FOXC2: variants seen among roughly 807,000 people sequenced by gnomAD.
The protein encoded by FOXC2 is forkhead box protein C2.
In FOXC2, 7 loss-of-function variants were observed where a neutral mutation model predicts 7.2. The observed-to-expected ratio is 0.97, with a 90% CI of 0.55 to 1.81. FOXC2 has a LOEUF of 1.81. Ranked by LOEUF, FOXC2 falls within the 40% of genes most tolerant of loss-of-function variation. The pLI, the probability that FOXC2 is intolerant of heterozygous loss-of-function variation, is 0.00. For missense variants in FOXC2, 846 were observed against 741.2 expected, an observed-to-expected ratio of 1.14 and a Z score of -1.64; for synonymous variants, 436 against 350.4, an observed-to-expected ratio of 1.24 and a Z score of -2.73.
rs1428482010 is a variant in FOXC2 at position 86,568,024 on chromosome 16, C to T, written c.689C>T (p.Thr230Met). The T allele has an allele frequency of 1.4e-6, 2 of 1,478,738 alleles. No individual in the cohort carries two copies. Among genetic ancestry groups the T allele is most frequent in the Non-Finnish European group, 1.8e-6 (2 of 1,126,958 alleles). The allele number at this position is 1,478,738 out of a possible 1,614,324, so 91.6% of individuals were successfully genotyped here. Residue 230 changes from threonine to methionine, a missense_variant, in exon 1 of 1, where the codon ACG becomes ATG. Physicochemically the swap from Thr to Met is moderately conservative, Grantham distance 81 (BLOSUM62 -1). Coordinates refer to ENST00000649859, the MANE Select transcript of FOXC2 (RefSeq NM_005251.3). This position sits in a 1 kb window ranked among gnomAD's most constrained non-coding sequence, Gnocchi z 5.2. ...CTGCCGGTCATCACCAAGGTGGAGACGCTGAGCCCCGAGAGCGCGCTGCAG... is the reference window on the plus strand; with the variant it reads ...CTGCCGGTCATCACCAAGGTGGAGATGCTGAGCCCCGAGAGCGCGCTGCAG... ...PALPVITKVETLSPESALQGS... is the reference protein window; with the variant it reads ...PALPVITKVEMLSPESALQGS...
In FOXC2 at chr16:86,567,726, G is replaced by C; in HGVS notation, c.391G>C (p.Val131Leu). 1 of 1,614,218 alleles carries C rather than the reference G, an allele frequency of 6.2e-7. No individual in the cohort carries two copies. The highest frequency in any genetic ancestry group is 8.5e-7 in the Non-Finnish European group (1 of 1,180,040). The change falls in exon 1 of 1, where the codon GTC becomes CTC. Residue 131 changes from valine to leucine, a missense_variant. This residue lies in a region of FOXC2 where 52 missense variants were observed against 103.8 expected (regional missense o/e 0.50). Transcript: ENST00000649859. ...CAACCTCTCGCTCAACGAGTGCTTC[G>C]TCAAGGTGCCCCGCGACGACAAGAA... is the stretch of plus-strand genomic sequence containing the variant. ...RHNLSLNECF[V>L]KVPRDDKKPG...
rs373254213 is a variant in FOXC2, at chr16:86,569,053, T to A, written c.*212T>A. 1.5e-6 allele frequency: 1 copy of A among 653,086 alleles called. No homozygotes were observed. The highest frequency in any genetic ancestry group is 2.8e-5 in the East Asian group (1 of 36,272). The allele number at this position is 653,086 out of a possible 1,614,324, so 40.5% of individuals were successfully genotyped here. On this transcript the variant is annotated 3_prime_UTR_variant, in exon 1 of 1. Transcript: ENST00000649859. ...TTAATTCGCCGCCCCGTTTCTGGGA[T>A]CCCAGGAAACCCCTCCAAAGGGACG...
Position 86,567,897 on chromosome 16 carries a change from C to T in FOXC2, c.562C>T (p.Pro188Ser). ...EERAHLKEPP[P>S]AASKGAPATP... is the part of the protein sequence containing the mutation. ...GCGGGCCCACCTCAAGGAGCCGCCCCCGGCGGCGTCCAAGGGCGCCCCGGC... is the reference window on the plus strand; with the variant it reads ...GCGGGCCCACCTCAAGGAGCCGCCCTCGGCGGCGTCCAAGGGCGCCCCGGC... Residue 188 changes from proline to serine, a missense_variant, in exon 1 of 1, where the codon CCG becomes TCG. By Grantham distance (74) the Pro-to-Ser change is moderately conservative. Transcript: ENST00000649859. The T allele has an allele frequency of 6.3e-7, 1 of 1,593,282 alleles. No homozygotes were observed. Among genetic ancestry groups the T allele is most frequent in the Non-Finnish European group, 8.5e-7 (1 of 1,175,652 alleles).
Position 86,568,943 on chromosome 16 carries a change from A to G in FOXC2, c.*102A>G, listed in dbSNP as rs1443827078. The G allele has an allele frequency of 6.9e-6, 10 of 1,457,760 alleles. No homozygotes were observed. The highest frequency in any genetic ancestry group is 3.9e-5 in the Admixed American group (2 of 51,584). 90.3% of individuals were successfully genotyped at this position (1,457,760 alleles called of 1,614,324 possible). A position where few individuals can be genotyped will look rare whatever the true frequency, so the allele number is the denominator to read the frequency against. On this transcript the variant is annotated 3_prime_UTR_variant, in exon 1 of 1. Transcript: ENST00000649859. This position sits in a 1 kb window ranked among gnomAD's most constrained non-coding sequence, Gnocchi z 5.2. Reference sequence around the variant, plus strand: ...CTGCAGAGACGCAAAAAAGAAACAAAACATGTCCACCAACCTTTTCTCAGA... The same window carrying G: ...CTGCAGAGACGCAAAAAAGAAACAAGACATGTCCACCAACCTTTTCTCAGA...
In FOXC2 at chr16:86,567,183, C is replaced by G. The variant is rs902420225; in HGVS notation, c.-153C>G. On this transcript the variant is annotated 5_prime_UTR_variant, in exon 1 of 1. Coordinates refer to ENST00000649859, the MANE Select transcript of FOXC2 (RefSeq NM_005251.3). ...CCGAGCGCCGCCGCCCGCGCACCCT[C>G]GCCCCGGAGGCTGCCAGGAGCCCGG... 1 of 816,406 alleles carries G rather than the reference C, an allele frequency of 1.2e-6. No homozygotes were observed. Among genetic ancestry groups the G allele is most frequent in the Non-Finnish European group, 1.8e-6 (1 of 544,214 alleles). 50.6% of individuals were successfully genotyped at this position (816,406 alleles called of 1,614,324 possible).
chr16:86,567,918 C>G lies in FOXC2; in HGVS notation c.583C>G (p.Pro195Ala), dbSNP rs200751941. The G allele has an allele frequency of 2.7e-4, 432 of 1,574,654 alleles. 1 individual carries two copies. The highest frequency in any genetic ancestry group is 3.5e-4 in the Non-Finnish European group (415 of 1,170,958). The change falls in exon 1 of 1, where the codon CCG (proline) becomes GCG (alanine). Residue 195 changes from proline (P) to alanine (A), a missense_variant. By Grantham distance (27) the Pro-to-Ala change is conservative. Around this residue, in one of 3 missense-constraint regions of FOXC2, gnomAD observed 640 missense variants for 503.2 expected, o/e 1.27. Coordinates refer to ENST00000649859, the MANE Select transcript of FOXC2 (RefSeq NM_005251.3). ...GCCCCCGGCGGCGTCCAAGGGCGCC[C>G]CGGCCACCCCCCACCTAGCGGACGC... ...EPPPAASKGA[P>A]ATPHLADAPK...
Position 86,568,810 on chromosome 16 carries a change from C to A in FOXC2, c.1475C>A (p.Ala492Asp), listed in dbSNP as rs748321311. Residue 492 changes from alanine to aspartate, a missense_variant, in exon 1 of 1, where the codon GCC becomes GAC. This residue lies in a region of FOXC2 where 640 missense variants were observed against 503.2 expected (regional missense o/e 1.27). Coordinates refer to ENST00000649859, the MANE Select transcript of FOXC2 (RefSeq NM_005251.3). This position sits in a 1 kb window ranked among gnomAD's most constrained non-coding sequence, Gnocchi z 5.2. ...RSTPPLYRHA[A>D]PYSYDCTKY is the part of the protein sequence containing the mutation. ...ACGCCGCCTCTCTATCGCCACGCAGCCCCCTACTCCTACGACTGCACGAAA... is the reference window on the plus strand; with the variant it reads ...ACGCCGCCTCTCTATCGCCACGCAGACCCCTACTCCTACGACTGCACGAAA... 3.1e-6 allele frequency: 5 copies of A among 1,612,772 alleles called. No homozygotes were observed. The highest frequency in any genetic ancestry group is 3.4e-6 in the Non-Finnish European group (4 of 1,179,886).
Position 86,567,534 on chromosome 16 carries a change from C to T in FOXC2, c.199C>T (p.Pro67Ser). The T allele has an allele frequency of 6.2e-7, 1 of 1,614,116 alleles. No individual in the cohort carries two copies. The highest frequency in any genetic ancestry group is 8.5e-7 in the Non-Finnish European group (1 of 1,180,022). The change falls in exon 1 of 1, where the codon CCT becomes TCT. Residue 67 changes from proline (P) to serine (S), a missense_variant. Transcript: ENST00000649859. Reference sequence around the variant, plus strand: ...CTACCACCACCACCAGCCCGCGGCGCCTAAGGACCTGGTGAAGCCGCCCTA... The same window carrying T: ...CTACCACCACCACCAGCCCGCGGCGTCTAAGGACCTGGTGAAGCCGCCCTA... ...APYHHHQPAA[P>S]KDLVKPPYSY...
At position 86,568,528 on chromosome 16, in the gene FOXC2, A is replaced by G; in HGVS notation, c.1193A>G (p.Gln398Arg). 7.0e-6 allele frequency: 9 copies of G among 1,278,966 alleles called. No individual in the cohort carries two copies. Among genetic ancestry groups the G allele is most frequent in the Non-Finnish European group, 8.9e-6 (9 of 1,013,860 alleles). The allele number at this position is 1,278,966 out of a possible 1,614,324, so 79.2% of individuals were successfully genotyped here. ...HHQHHGHHHPQAPPPPPAPQP... is the reference protein window; with the variant it reads ...HHQHHGHHHPRAPPPPPAPQP... ...CAGCACCACGGCCACCACCACCCGCAGGCGCCGCCGCCCCCGCCGGCTCCC... is the reference window on the plus strand; with the variant it reads ...CAGCACCACGGCCACCACCACCCGCGGGCGCCGCCGCCCCCGCCGGCTCCC... Residue 398 changes from glutamine (Q) to arginine (R), a missense_variant, in exon 1 of 1, where the codon CAG (glutamine) becomes CGG (arginine). Gln to Arg is a conservative substitution (Grantham distance 43). Around this residue, in one of 3 missense-constraint regions of FOXC2, gnomAD observed 640 missense variants for 503.2 expected, o/e 1.27. Transcript: ENST00000649859. This position sits in a 1 kb window ranked among gnomAD's most constrained non-coding sequence, Gnocchi z 5.2.
At position 86,567,219 on chromosome 16, in the gene FOXC2, C is replaced by A. The variant is rs367988229; in HGVS notation, c.-117C>A. The A allele has an allele frequency of 8.0e-7, 1 of 1,256,158 alleles. No individual in the cohort carries two copies. The highest frequency in any genetic ancestry group is 2.2e-5 in the Admixed American group (1 of 46,290). 77.8% of individuals were successfully genotyped at this position (1,256,158 alleles called of 1,614,324 possible). On this transcript the variant is annotated 5_prime_UTR_variant, in exon 1 of 1. Transcript: ENST00000649859. ...CTGCCAGGAGCCCGGGGCCGCCCCT[C>A]CCGCTCCCCTCCTCTCCCCCTCTGG...
Position 86,567,297 on chromosome 16 carries a change from C to A in FOXC2, c.-39C>A, listed in dbSNP as rs1328977524. On this transcript the variant is annotated 5_prime_UTR_variant, in exon 1 of 1. Coordinates refer to ENST00000649859, the MANE Select transcript of FOXC2 (RefSeq NM_005251.3). ...CCCCCCTCGCTCCCCCGGCCGCAGT[C>A]CGTGCGCGAGGGCGCCGGCGAGCCG... is the stretch of plus-strand genomic sequence containing the variant. 8 of 1,611,086 alleles carry A rather than the reference C, an allele frequency of 5.0e-6. No homozygotes were observed. In the South Asian group the frequency reaches 5.5e-5, roughly 11 times the overall value.
In FOXC2 at chr16:86,568,312, C is replaced by G. The variant is rs759586263; in HGVS notation, c.977C>G (p.Ala326Gly). Residue 326 changes from alanine (A) to glycine (G), a missense_variant, in exon 1 of 1, where the codon GCC (alanine) becomes GGC (glycine). By Grantham distance (60) the Ala-to-Gly change is moderately conservative (BLOSUM62 0). This residue lies in a region of FOXC2 where 640 missense variants were observed against 503.2 expected (regional missense o/e 1.27). Coordinates refer to ENST00000649859, the MANE Select transcript of FOXC2 (RefSeq NM_005251.3). The surrounding 1 kb of genome is among the most constrained non-coding windows in gnomAD (Gnocchi z 5.2). ...PCAQGLEAGA[A>G]GGYQCSMRAM... is the part of the protein sequence containing the mutation. ...GCTCAGGGCCTGGAGGCCGGGGCCGCCGGGGGCTACCAGTGCAGCATGCGA... is the reference window on the plus strand; with the variant it reads ...GCTCAGGGCCTGGAGGCCGGGGCCGGCGGGGGCTACCAGTGCAGCATGCGA... 5.2e-5 allele frequency: 67 copies of G among 1,277,952 alleles called. No homozygotes were observed. The highest frequency in any genetic ancestry group is 5.6e-5 in the Non-Finnish European group (57 of 1,012,518). The allele number at this position is 1,277,952 out of a possible 1,614,324, so 79.2% of individuals were successfully genotyped here.
At position 86,568,799 on chromosome 16, in the gene FOXC2, T is replaced by C. The variant is rs780425582; in HGVS notation, c.1464T>C (p.Tyr488=). Residue 488 remains tyrosine, a synonymous_variant, in exon 1 of 1, where the codon TAT becomes TAC. Transcript: ENST00000649859. This position sits in a 1 kb window ranked among gnomAD's most constrained non-coding sequence, Gnocchi z 5.2. ...CCTACAGATCCACGCCGCCTCTCTA[T>C]CGCCACGCAGCCCCCTACTCCTACG... is the stretch of plus-strand genomic sequence containing the variant. ...QLPYRSTPPL[Y]RHAAPYSYDC... 6.2e-7 allele frequency: 1 copy of C among 1,612,764 alleles called. No homozygotes were observed. Among genetic ancestry groups the C allele is most frequent in the Non-Finnish European group, 8.5e-7 (1 of 1,179,970 alleles).
rs779821571 is a variant in FOXC2 at position 86,567,945 on chromosome 16, C to G, written c.610C>G (p.Pro204Ala). The G allele has an allele frequency of 1.6e-5, 25 of 1,552,852 alleles. No individual in the cohort carries two copies. In the South Asian group the frequency reaches 2.9e-4, roughly 18 times the overall value. ...GGCCACCCCCCACCTAGCGGACGCCCCCAAGGAGGCCGAGAAGAAGGTGGT... is the reference window on the plus strand; with the variant it reads ...GGCCACCCCCCACCTAGCGGACGCCGCCAAGGAGGCCGAGAAGAAGGTGGT... ...APATPHLADAPKEAEKKVVIK... is the reference protein window; with the variant it reads ...APATPHLADAAKEAEKKVVIK... Residue 204 changes from proline to alanine, a missense_variant, in exon 1 of 1, where the codon CCC becomes GCC. Transcript: ENST00000649859.
In FOXC2 at chr16:86,567,674, G is replaced by A; in HGVS notation, c.339G>A (p.Lys113=). 6.2e-7 allele frequency: 1 copy of A among 1,614,164 alleles called. No homozygotes were observed. The highest frequency in any genetic ancestry group is 1.1e-5 in the South Asian group (1 of 91,078). The part of the protein sequence containing the change: ...MDRFPFYREN[K]QGWQNSIRHN... ...GCTTCCCCTTCTACCGGGAGAACAAGCAGGGCTGGCAGAACAGCATCCGCC... is the reference window on the plus strand; with the variant it reads ...GCTTCCCCTTCTACCGGGAGAACAAACAGGGCTGGCAGAACAGCATCCGCC... The change falls in exon 1 of 1, where the codon AAG becomes AAA. Residue 113 remains lysine, a synonymous_variant. Transcript: ENST00000649859.
Position 86,569,247 on chromosome 16 carries a change from A to G in FOXC2, c.*406A>G, listed in dbSNP as rs1974249825. Reference sequence around the variant, plus strand: ...AGGTGTATGGGGGTCTCTATAGATAATATATGTGCTGTGTGTAATTTTAAA... The same window carrying G: ...AGGTGTATGGGGGTCTCTATAGATAGTATATGTGCTGTGTGTAATTTTAAA... On this transcript the variant is annotated 3_prime_UTR_variant, in exon 1 of 1. Coordinates refer to ENST00000649859, the MANE Select transcript of FOXC2 (RefSeq NM_005251.3). The G allele has an allele frequency of 4.0e-6, 1 of 251,108 alleles. No homozygotes were observed. The allele number at this position is 251,108 out of a possible 1,614,324, so 15.6% of individuals were successfully genotyped here. A position where few individuals can be genotyped will look rare whatever the true frequency, so the allele number is the denominator to read the frequency against.
chr16:86,568,376 C>T lies in FOXC2; in HGVS notation c.1041C>T (p.His347=), dbSNP rs1567571673. The change falls in exon 1 of 1, where the codon CAC becomes CAT. Residue 347 remains histidine (H), a synonymous_variant. Coordinates refer to ENST00000649859, the MANE Select transcript of FOXC2 (RefSeq NM_005251.3). This position sits in a 1 kb window ranked among gnomAD's most constrained non-coding sequence, Gnocchi z 5.2. ...ACACCGGGGCCGAGCGGCCGGCGCA[C>T]ATGTGCGTCCCGCCCGCCCTGGACG... The part of the protein sequence containing the change: ...SLYTGAERPA[H]MCVPPALDEA... 1 of 1,386,030 alleles carries T rather than the reference C, an allele frequency of 7.2e-7. No homozygotes were observed. Among genetic ancestry groups the T allele is most frequent in the Non-Finnish European group, 9.4e-7 (1 of 1,064,256 alleles). 85.9% of individuals were successfully genotyped at this position (1,386,030 alleles called of 1,614,324 possible).
At position 86,567,971 on chromosome 16, in the gene FOXC2, G is replaced by A. The variant is rs1332059044; in HGVS notation, c.636G>A (p.Val212=). The A allele has an allele frequency of 6.5e-7, 1 of 1,531,402 alleles. No homozygotes were observed. Among genetic ancestry groups the A allele is most frequent in the East Asian group, 2.3e-5 (1 of 44,040 alleles). 94.9% of individuals were successfully genotyped at this position (1,531,402 alleles called of 1,614,324 possible). ...CCAAGGAGGCCGAGAAGAAGGTGGT[G>A]ATCAAGAGCGAGGCGGCGTCCCCGG... ...DAPKEAEKKV[V]IKSEAASPAL... Residue 212 remains valine (V), a synonymous_variant, in exon 1 of 1, where the codon GTG becomes GTA. Coordinates refer to ENST00000649859, the MANE Select transcript of FOXC2 (RefSeq NM_005251.3).
chr16:86,569,660 G>C lies in FOXC2; in HGVS notation c.*819G>C, dbSNP rs80284611. The C allele has an allele frequency of 6.1e-6, 1 of 164,806 alleles. No homozygotes were observed. Among genetic ancestry groups the C allele is most frequent in the Non-Finnish European group, 1.5e-5 (1 of 67,814 alleles). The allele number at this position is 164,806 out of a possible 1,614,324, so 10.2% of individuals were successfully genotyped here. A position where few individuals can be genotyped will look rare whatever the true frequency, so the allele number is the denominator to read the frequency against. On this transcript the variant is annotated 3_prime_UTR_variant, in exon 1 of 1. Transcript: ENST00000649859. ...GCTTAAAAACTCTAACTTCATCTGT[G>C]TTTGTCTTACGTGGTCTTAATCGTT...
Sources: allele counts gnomAD v4.1 joint callset, GRCh38; gene constraint gnomAD v4.1.1; regional missense constraint gnomAD v4.1.1; non-coding constraint Gnocchi (gnomAD v3.1); transcripts MANE v1.5; gene names NCBI Gene and HGNC (gene_info 2026-07-23, HGNC 2026-07-21).